ADA: variants seen among roughly 807,000 people sequenced by gnomAD.
ADA encodes the protein adenosine deaminase.
ADA carries 45 observed loss-of-function variants against 49.0 expected under a neutral mutation model. The ratio of observed to expected loss-of-function variants is 0.92; its 90% CI spans 0.72 to 1.18. The LOEUF (loss-of-function observed/expected upper bound fraction) is 1.18, where lower values mean the gene tolerates loss of function less well. ADA is among the 50% of genes most tolerant of loss of function. The pLI, the probability that ADA is intolerant of heterozygous loss-of-function variation, is 0.00. For synonymous variants in ADA, 173 were observed against 184.2 expected (o/e 0.94, Z 0.49); for missense variants, 445 against 472.5 (o/e 0.94, Z 0.54).
intron 1 of ADA, among the ~76,000 whole-genome samples, chr20:44,639,401 C>G (rs530064547): frequency 6.6e-6 from 1 of 152,070 alleles, no homozygotes; most frequent in Non-Finnish European, 1.5e-5. Context: ...TTATGTTACA[C>G]TAGAGACACC....
At chr20:44,635,847 G>A (rs1249760169) in intron 2 of ADA, among the ~76,000 whole-genome samples, 4 of 151,954 alleles carry the variant, frequency 2.6e-5, no homozygotes, top group Non-Finnish European at 5.9e-5. Flanking sequence ...GCAGTGAGCC[G>A]AGATCATGCC....
chr20:44,644,636 G>C (rs2065571792), intron 1 of ADA, among the ~76,000 whole-genome samples: 1 of 152,238 alleles, frequency 6.6e-6, no homozygotes, highest in African/African-American at 2.4e-5. Context: ...AGTGACTTAT[G>C]CCACTATGGC....
chr20:44,641,949 G>A (rs1340907468), intron 1 of ADA, among the ~76,000 whole-genome samples: 1 of 151,962 alleles, frequency 6.6e-6, no homozygotes, highest in Non-Finnish European at 1.5e-5. Flanking sequence ...TGTACTTTTA[G>A]TAGAGACAGG....
intron 2 of ADA, among the ~76,000 whole-genome samples, chr20:44,632,253 G>A (rs1413597919): frequency 6.6e-6 from 1 of 152,136 alleles, no homozygotes; most frequent in Non-Finnish European, 1.5e-5. Context: ...GAAGTGCAGG[G>A]TGGCTGGAGG....
At position 44,622,920 on chromosome 20, in the gene ADA, A is replaced by T; in HGVS notation, c.689T>A (p.Ile230Lys). ...SAEVVKEAVDILKTERLGHGY... is the reference protein window; with the variant it reads ...SAEVVKEAVDKLKTERLGHGY... ...GTGTCCCAGCCGCTCTGTCTTGAGT[A>T]TGTCCACAGCCTGTAGAGAAGCAGA... is the stretch of plus-strand genomic sequence containing the variant. Residue 230 changes from isoleucine (I) to lysine (K), a missense_variant, in exon 8 of 12, where the codon ATA becomes AAA. Transcript: ENST00000372874. 6.2e-7 allele frequency: 1 copy of T among 1,614,232 alleles called. No homozygotes were observed. The highest frequency in any genetic ancestry group is 8.5e-7 in the Non-Finnish European group (1 of 1,180,050).
At position 44,637,227 on chromosome 20, in the gene ADA, T is replaced by C. The variant is rs555761574; in HGVS notation, c.34-939A>G. Among the ~76,000 whole-genome samples, 19 of 152,366 alleles carry C rather than the reference T, an allele frequency of 1.2e-4. No individual in the cohort carries two copies. The South Asian group carries it at 3.9e-3, about 32-fold the overall frequency. On this transcript the variant is annotated intron_variant, in intron 1 of 11. Transcript: ENST00000372874. ...GTAGGATCCTTGGAGGCAGCCCATC[T>C]GGCTTGACTCCCAGTTCTGCTGTGT... is the stretch of plus-strand genomic sequence containing the variant.
Position 44,647,117 on chromosome 20 carries a change from C to T in ADA, c.33+4458G>A, listed in dbSNP as rs115436127. On this transcript the variant is annotated intron_variant, in intron 1 of 11. Transcript: ENST00000372874. ...CTGATTTAGCCCCAATTCCCCTCTG[C>T]ATCAGAGAGGGACAGTTTAGAAACT... Among the ~76,000 whole-genome samples the T allele has an allele frequency of 8.5e-4, 129 of 152,178 alleles. 2 individuals carry two copies. Among genetic ancestry groups the T allele is most frequent in the African/African-American group, 2.9e-3 (122 of 41,456 alleles).
At chr20:44,636,019 C>A (rs1474492298) in intron 2 of ADA, 1 of 597,624 alleles carries the variant, frequency 1.7e-6, no homozygotes, top group Non-Finnish European at 3.0e-6. Flanking sequence ...ACTCAGAGGC[C>A]CAGAAAGCTC....
chr20:44,647,477 C>G (rs1337270329), intron 1 of ADA, among the ~76,000 whole-genome samples: 1 of 151,954 alleles, frequency 6.6e-6, no homozygotes. Context: ...CCAGCCTGTA[C>G]CTGTTCACTT....
intron 2 of ADA, among the ~76,000 whole-genome samples, chr20:44,635,019 A>G (rs1460620733): frequency 2.0e-5 from 3 of 152,236 alleles, no homozygotes; most frequent in Admixed American, 2.0e-4. Flanking sequence ...CTCCTAGGTC[A>G]TCTCTCTAGG....
At chr20:44,626,428 C>T (rs202218302) in intron 4 of ADA, 28 bp downstream of exon 4, 402 of 1,613,106 alleles carry the variant, frequency 2.5e-4, no homozygotes, top group Non-Finnish European at 2.9e-4. Flanking sequence ...ACACCCTCAG[C>T]ATGGCCCCTT....
At chr20:44,649,720 A>C (rs1490251903) in intron 1 of ADA, among the ~76,000 whole-genome samples, 2 of 148,486 alleles carry the variant, frequency 1.3e-5, no homozygotes, top group African/African-American at 5.0e-5. Flanking sequence ...CATGTTCGCA[A>C]TCAAGGAGCC....
At chr20:44,643,702 A>G (rs1007547275) in intron 1 of ADA, among the ~76,000 whole-genome samples, 14 of 152,264 alleles carry the variant, frequency 9.2e-5, no homozygotes, top group African/African-American at 3.4e-4. Context: ...TGACCTCTCC[A>G]GAGGGGAATC....
Position 44,639,303 on chromosome 20 carries a change from A to G in ADA, c.34-3015T>C, listed in dbSNP as rs527700602. On this transcript the variant is annotated intron_variant, in intron 1 of 11. Transcript: ENST00000372874. ...GGGAGCAATTCCCGCAGTTTGAGAC[A>G]GAGAACTCTGGAAGAGAAGACCAAG... Among the ~76,000 whole-genome samples the G allele has an allele frequency of 2.7e-4, 41 of 152,306 alleles. No individual in the cohort carries two copies. In the South Asian group the frequency reaches 6.6e-3, roughly 25 times the overall value.
At chr20:44,625,380 C>T (rs1395091536) in intron 5 of ADA, among the ~76,000 whole-genome samples, 189 bp downstream of exon 5, 1 of 152,050 alleles carries the variant, frequency 6.6e-6, no homozygotes. Context: ...AGAACATCTC[C>T]AGAAGTTCTG....
At chr20:44,650,483 A>G (rs767711963) in intron 1 of ADA, among the ~76,000 whole-genome samples, 3 of 152,018 alleles carry the variant, frequency 2.0e-5, no homozygotes, top group East Asian at 1.9e-4. Context: ...GCTGAAGTGC[A>G]GTGGCACCAT....
chr20:44,647,507 G>T (rs1600950567), intron 1 of ADA, among the ~76,000 whole-genome samples: 1 of 152,002 alleles, frequency 6.6e-6, no homozygotes, highest in African/African-American at 2.4e-5. Flanking sequence ...CAGCTTCAAG[G>T]CTCTCAGATT....
At chr20:44,646,545 C>T (rs533125895) in intron 1 of ADA, among the ~76,000 whole-genome samples, 24 of 151,082 alleles carry the variant, frequency 1.6e-4, no homozygotes, top group Non-Finnish European at 3.4e-4. Flanking sequence ...AGGAAACGCA[C>T]CCCTGAGGGC....
intron 1 of ADA, among the ~76,000 whole-genome samples, chr20:44,639,290 C>T (rs1023321964): frequency 2.0e-5 from 3 of 152,060 alleles, no homozygotes; most frequent in African/African-American, 7.2e-5. Context: ...GAGCAATTCC[C>T]GCAGTTTGAG....
Sources: allele counts gnomAD v4.1 joint callset (sites outside exome capture counted in the v4.1 genomes callset), GRCh38; gene constraint gnomAD v4.1.1; transcripts MANE v1.5; gene names NCBI Gene and HGNC (gene_info 2026-07-23, HGNC 2026-07-21).